Variants in CRIP2 observed in about 807,000 individuals in gnomAD.
The protein encoded by CRIP2 is cysteine-rich protein 2.
Under a neutral mutation model 31.3 loss-of-function variants are expected in CRIP2, and 31 were observed. The observed-to-expected ratio is 0.99, with a 90% CI of 0.74 to 1.34. CRIP2 has a LOEUF of 1.34. Among genes scored for constraint, CRIP2 ranks in the 40% most tolerant of loss-of-function variants. CRIP2 has a pLI of 0.00. For missense variants in CRIP2, 389 were observed against 301.6 expected, an observed-to-expected ratio of 1.29 and a Z score of -2.15; for synonymous variants, 177 against 127.2, an observed-to-expected ratio of 1.39 and a Z score of -2.63.
intron 1 of CRIP2, chr14:105,477,143 C>T (rs999030340): frequency 7.0e-6 from 3 of 426,854 alleles, no homozygotes; most frequent in African/African-American, 6.4e-5. Context: ...GCAGCTTGTC[C>T]CCTTCCCTTC....
chr14:105,478,844 A>T lies in CRIP2; in HGVS notation c.310A>T (p.Ser104Cys). Residue 104 changes from serine (S) to cysteine (C), a missense_variant, in exon 4 of 8, where the codon AGC becomes TGC. Coordinates refer to ENST00000329146, the MANE Select transcript of CRIP2 (RefSeq NM_001312.4). This position sits in a 1 kb window ranked among gnomAD's most constrained non-coding sequence, Gnocchi z 4.9. ...GGCCCGAGCAGAGGAGCGGAAGGCG[A>T]GCGGCCCCCCGAAGGGGCCCAGCAG... ...PAARAEERKA[S>C]GPPKGPSRAS... is the part of the protein sequence containing the mutation. The T allele has an allele frequency of 2.1e-6, 3 of 1,424,756 alleles. No homozygotes were observed. Among genetic ancestry groups the T allele is most frequent in the Non-Finnish European group, 2.7e-6 (3 of 1,100,012 alleles). The allele number at this position is 1,424,756 out of a possible 1,614,324, so 88.3% of individuals were successfully genotyped here.
At position 105,478,092 on chromosome 14, in the gene CRIP2, C is replaced by G. The variant is rs781868054; in HGVS notation, c.44-174C>G. Reference sequence around the variant, plus strand: ...GAGAACAGGGCCTGGGGGCGACGGGCTCCTCCGGGTCTCAGAAGGAGGGGC... The same window carrying G: ...GAGAACAGGGCCTGGGGGCGACGGGGTCCTCCGGGTCTCAGAAGGAGGGGC... On this transcript the variant is annotated intron_variant, in intron 1 of 7. Transcript: ENST00000329146. The surrounding 1 kb of genome is among the most constrained non-coding windows in gnomAD (Gnocchi z 4.9). Among the ~76,000 whole-genome samples, 205 of 151,660 alleles carry G rather than the reference C, an allele frequency of 1.4e-3. 1 individual carries two copies. The highest frequency in any genetic ancestry group is 4.6e-3 in the African/African-American group (189 of 41,348).
At chr14:105,479,104 C>T in intron 5 of CRIP2, 21 bp from the exon 6 acceptor site, 2 of 1,609,890 alleles carry the variant, frequency 1.2e-6, no homozygotes, top group Non-Finnish European at 1.7e-6. Context: ...GGGGCTCGGC[C>T]TCACTCCTCC....
chr14:105,477,837 T>A (rs1289293792), intron 1 of CRIP2, among the ~76,000 whole-genome samples: 3 of 81,102 alleles, frequency 3.7e-5, no homozygotes, highest in Non-Finnish European at 5.2e-5. Context: ...GAGGCGGGTG[T>A]GAGGCGGGTG....
At chr14:105,477,431 C>A (rs1555436028) in intron 1 of CRIP2, 1 of 984,874 alleles carries the variant, frequency 1.0e-6, no homozygotes, top group African/African-American at 1.8e-5. Context: ...GGGGACGGGG[C>A]CTGGCCTTCC....
At position 105,479,138 on chromosome 14, in the gene CRIP2, G is replaced by A. The variant is rs782001185; in HGVS notation, c.420G>A (p.Thr140=). Residue 140 remains threonine (T), a synonymous_variant, in exon 6 of 8, where the codon ACG becomes ACA. Coordinates refer to ENST00000329146, the MANE Select transcript of CRIP2 (RefSeq NM_001312.4). ...CCCCCTTTCCAGCTGAGAAGGTGAC[G>A]TCTCTGGGCAAGGATTGGCACCGGC... ...SKKVYFAEKV[T]SLGKDWHRPC... 111 of 1,611,734 alleles carry A rather than the reference G, an allele frequency of 6.9e-5. No homozygotes were observed. Among genetic ancestry groups the A allele is most frequent in the South Asian group, 2.7e-4 (25 of 91,062 alleles).
rs1555436315 is a variant in CRIP2, at chr14:105,478,238, TG to T, written c.44-27del. On this transcript the variant is annotated intron_variant, in intron 1 of 7. Transcript: ENST00000329146. This position sits in a 1 kb window ranked among gnomAD's most constrained non-coding sequence, Gnocchi z 4.9. ...GGGGGTGCGGGGCGCGCCCCGGCCC[TG>T]ACCCCCCTGCCGCCCCTCCCGCTCA... 6.8e-7 allele frequency: 1 copy of T among 1,460,874 alleles called. No individual in the cohort carries two copies. The highest frequency in any genetic ancestry group is 9.2e-7 in the Non-Finnish European group (1 of 1,088,982). The allele number at this position is 1,460,874 out of a possible 1,614,324, so 90.5% of individuals were successfully genotyped here. A position where few individuals can be genotyped will look rare whatever the true frequency, so the allele number is the denominator to read the frequency against.
In CRIP2 at chr14:105,474,829, G is replaced by C. The variant is rs782295478; in HGVS notation, c.-34G>C. 3 of 1,433,570 alleles carry C rather than the reference G, an allele frequency of 2.1e-6. No homozygotes were observed. Among genetic ancestry groups the C allele is most frequent in the South Asian group, 1.4e-5 (1 of 72,792 alleles). The allele number at this position is 1,433,570 out of a possible 1,614,324, so 88.8% of individuals were successfully genotyped here. On this transcript the variant is annotated 5_prime_UTR_variant, in exon 1 of 8. Coordinates refer to ENST00000329146, the MANE Select transcript of CRIP2 (RefSeq NM_001312.4). The surrounding 1 kb of genome is among the most constrained non-coding windows in gnomAD (Gnocchi z 5.1). Reference sequence around the variant, plus strand: ...GGCGGCGGCGGCCCGGAGGAGAACGGGCGGAGGGCGCGGGCCGACCGGGCG... The same window carrying C: ...GGCGGCGGCGGCCCGGAGGAGAACGCGCGGAGGGCGCGGGCCGACCGGGCG...
At chr14:105,479,099 T>A (rs781964339) in intron 5 of CRIP2, 26 bp from the exon 6 acceptor site, 49 of 1,545,358 alleles carry the variant, frequency 3.2e-5, no homozygotes, top group Non-Finnish European at 5.3e-6. Context: ...GCCCCGGGGC[T>A]CGGCCTCACT....
At chr14:105,476,851 G>A (rs1240379196) in intron 1 of CRIP2, 11 of 851,014 alleles carry the variant, frequency 1.3e-5, no homozygotes, top group Non-Finnish European at 1.6e-5. Flanking sequence ...CATGCCCAGA[G>A]GGTTGTACCA....
At position 105,479,672 on chromosome 14, in the gene CRIP2, A is replaced by G; in HGVS notation, c.*19A>G. On this transcript the variant is annotated 3_prime_UTR_variant, in exon 8 of 8. Coordinates refer to ENST00000329146, the MANE Select transcript of CRIP2 (RefSeq NM_001312.4). ...GCCCTAGGCTACAGCGGCTCTCATGATGTGGGCTCACCTGCGCCCCAGACC... is the reference window on the plus strand; with the variant it reads ...GCCCTAGGCTACAGCGGCTCTCATGGTGTGGGCTCACCTGCGCCCCAGACC... 1.2e-6 allele frequency: 2 copies of G among 1,607,686 alleles called. No individual in the cohort carries two copies. The highest frequency in any genetic ancestry group is 1.7e-6 in the Non-Finnish European group (2 of 1,177,890).
Position 105,479,486 on chromosome 14 carries a change from A to C in CRIP2, c.552A>C (p.Gly184=). ...AGCCCTGCTATGGAATCCTCTTCGGACCCAAGGGTGAGTGTAGCCAGGGTG... is the reference window on the plus strand; with the variant it reads ...AGCCCTGCTATGGAATCCTCTTCGGCCCCAAGGGTGAGTGTAGCCAGGGTG... The part of the protein sequence containing the change: ...CHKPCYGILF[G]PKGVNTGAVG... The change falls in exon 7 of 8, where the codon GGA becomes GGC. Residue 184 remains glycine, a synonymous_variant. Transcript: ENST00000329146. 2.5e-6 allele frequency: 4 copies of C among 1,612,776 alleles called. No individual in the cohort carries two copies. Among genetic ancestry groups the C allele is most frequent in the Non-Finnish European group, 3.4e-6 (4 of 1,179,864 alleles).
Position 105,479,954 on chromosome 14 carries a change from G to A in CRIP2, c.*301G>A, listed in dbSNP as rs1189771982. On this transcript the variant is annotated 3_prime_UTR_variant, in exon 8 of 8. Coordinates refer to ENST00000329146, the MANE Select transcript of CRIP2 (RefSeq NM_001312.4). The stretch of plus-strand genomic sequence containing the variant: ...CCTGCGTGTCCCCGTGGCGCTGTCC[G>A]CTCTCCCTCTCCTGCTGCCCACCCA... 8 of 441,878 alleles carry A rather than the reference G, an allele frequency of 1.8e-5. No homozygotes were observed. Among genetic ancestry groups the A allele is most frequent in the South Asian group, 7.5e-5 (3 of 39,790 alleles). 27.4% of individuals were successfully genotyped at this position (441,878 alleles called of 1,614,324 possible). A position where few individuals can be genotyped will look rare whatever the true frequency, so the allele number is the denominator to read the frequency against.
upstream of CRIP2, among the ~76,000 whole-genome samples, chr14:105,473,773 C>G (rs988710189): frequency 3.9e-5 from 6 of 152,146 alleles, no homozygotes; most frequent in African/African-American, 1.4e-4. Flanking sequence ...TGGTCAGGCA[C>G]GCCCTGGTTG....
upstream of CRIP2, among the ~76,000 whole-genome samples, chr14:105,473,960 T>C (rs2141742349): frequency 6.6e-6 from 1 of 152,250 alleles, no homozygotes; most frequent in Middle Eastern, 3.4e-3. Context: ...CGCCCACTCC[T>C]TCCCCTCCTT....
chr14:105,479,542 C>T lies in CRIP2; in HGVS notation c.560-44C>T, dbSNP rs782600114. 2.8e-5 allele frequency: 45 copies of T among 1,612,670 alleles called. No homozygotes were observed. The African/African-American group carries it at 4.1e-4, about 15-fold the overall frequency. On this transcript the variant is annotated intron_variant, in intron 7 of 7. Coordinates refer to ENST00000329146, the MANE Select transcript of CRIP2 (RefSeq NM_001312.4). ...CGATGTCTTCCCTGCCCTCCCCTTCCCTCCACTGTTCCCCCGACCCACCCC... is the reference window on the plus strand; with the variant it reads ...CGATGTCTTCCCTGCCCTCCCCTTCTCTCCACTGTTCCCCCGACCCACCCC...
Position 105,478,430 on chromosome 14 carries a change from A to C in CRIP2, c.139-20A>C. The C allele has an allele frequency of 6.3e-6, 10 of 1,597,540 alleles. No homozygotes were observed. The highest frequency in any genetic ancestry group is 7.7e-6 in the Non-Finnish European group (9 of 1,176,098). ...CCCGCCACCCTCAGGCAGGGTCCTG[A>C]CCCGCGCCCCTCTGCGCAGCATGAC... On this transcript the variant is annotated intron_variant, in intron 2 of 7. Coordinates refer to ENST00000329146, the MANE Select transcript of CRIP2 (RefSeq NM_001312.4). This position sits in a 1 kb window ranked among gnomAD's most constrained non-coding sequence, Gnocchi z 4.9.
intron 1 of CRIP2, chr14:105,475,928 C>T (rs2083922856): frequency 2.0e-6 from 2 of 985,520 alleles, no homozygotes; most frequent in African/African-American, 1.7e-5. Context: ...AGAATGCGGC[C>T]AGGCTGCAGG....
chr14:105,476,284 C>G (rs1027927054), intron 1 of CRIP2: 1 of 985,388 alleles, frequency 1.0e-6, no homozygotes, highest in African/African-American at 1.7e-5. Context: ...CTGCCTGGCC[C>G]GCCCAGCCTC....
Sources: allele counts gnomAD v4.1 joint callset (sites outside exome capture counted in the v4.1 genomes callset), GRCh38; gene constraint gnomAD v4.1.1; non-coding constraint Gnocchi (gnomAD v3.1); transcripts MANE v1.5; gene names NCBI Gene and HGNC (gene_info 2026-07-23, HGNC 2026-07-21).